Variants in PRP4K observed in about 807,000 individuals in gnomAD.
PRP4K encodes the protein pre-mRNA processing factor kinase PRP4K, also known as serine/threonine-protein kinase PRP4 homolog.
chr6:4,049,535 T>C, the PRP4K span: 24 of 575,396 alleles, frequency 4.2e-5, no homozygotes, highest in Non-Finnish European at 9.2e-6. Context: ...ACTCTTGTAG[T>C]GATCTGAAGT....
the PRP4K span, chr6:4,032,707 T>C: frequency 6.3e-7 from 1 of 1,592,270 alleles, no homozygotes; most frequent in South Asian, 1.2e-5. Context: ...AGCCGATCCT[T>C]AGAAAGAAAA....
chr6:4,023,238 T>C, the PRP4K span, among the ~76,000 whole-genome samples: 4 of 152,256 alleles, frequency 2.6e-5, no homozygotes, highest in Non-Finnish European at 4.4e-5. Flanking sequence ...TTTACAGTTA[T>C]ATAGAATCTA....
chr6:4,037,389 C>T, the PRP4K span: 1 of 1,567,284 alleles, frequency 6.4e-7, no homozygotes, highest in East Asian at 2.3e-5. Flanking sequence ...GCATTTGATC[C>T]CCTTAAGAAC....
chr6:4,025,177 A>G, the PRP4K span, among the ~76,000 whole-genome samples: 1 of 152,230 alleles, frequency 6.6e-6, no homozygotes, highest in African/African-American at 2.4e-5. Flanking sequence ...GGGATATTAA[A>G]TTGTAAAATG....
At chr6:4,031,669 G>T in the PRP4K span, 1 of 1,607,254 alleles carries the variant, frequency 6.2e-7, no homozygotes, top group Non-Finnish European at 8.5e-7. Context: ...CATAAACACA[G>T]AAGTAAACAT....
chr6:4,049,088 G>A, the PRP4K span: 1 of 1,610,694 alleles, frequency 6.2e-7, no homozygotes, highest in Non-Finnish European at 8.5e-7. Flanking sequence ...TAACTGGACC[G>A]ATGCAGAAGG....
At chr6:4,034,960 C>G in the PRP4K span, among the ~76,000 whole-genome samples, 2 of 152,040 alleles carry the variant, frequency 1.3e-5, no homozygotes. Context: ...ATCCGCCCAC[C>G]TCGGCCTCCC....
the PRP4K span, among the ~76,000 whole-genome samples, chr6:4,048,806 T>G: frequency 1.0e-3 from 155 of 149,486 alleles, 3 homozygotes; most frequent in South Asian, 0.026. Context: ...GGGTTTTTGT[T>G]TTTTTTTTTT....
chr6:4,023,741 C>T, the PRP4K span, among the ~76,000 whole-genome samples: 2 of 152,234 alleles, frequency 1.3e-5, no homozygotes, highest in African/African-American at 4.8e-5. Flanking sequence ...TTTTGAAACA[C>T]GAGCTCTTGT....
chr6:4,037,833 ATAC>A, the PRP4K span, among the ~76,000 whole-genome samples: 1 of 151,472 alleles, frequency 6.6e-6, no homozygotes, highest in Admixed American at 6.6e-5. Context: ...TTATCAATCA[ATAC>A]TAAATGAGCC....
chr6:4,021,310 T>A, the PRP4K span: 2 of 1,397,178 alleles, frequency 1.4e-6, no homozygotes, highest in Middle Eastern at 1.8e-4. Context: ...AGAACCCAGC[T>A]CTTCCCTACA....
At chr6:4,060,429 T>C in the PRP4K span, 4 of 1,613,872 alleles carry the variant, frequency 2.5e-6, no homozygotes, top group East Asian at 2.2e-5. The surrounding 1 kb of genome is among the most constrained non-coding windows in gnomAD (Gnocchi z 4.7). Context: ...GTTACTGTTA[T>C]GAGCACCATT....
the PRP4K span, among the ~76,000 whole-genome samples, chr6:4,032,955 T>C: frequency 6.6e-6 from 1 of 152,246 alleles, no homozygotes. Flanking sequence ...ATTTTAAGTA[T>C]AGGTGTTTAA....
chr6:4,040,130 T>C, the PRP4K span, among the ~76,000 whole-genome samples: 1 of 151,564 alleles, frequency 6.6e-6, no homozygotes, highest in African/African-American at 2.4e-5. Context: ...CCTGCCTGCC[T>C]TGGCCTCCCA....
the PRP4K span, among the ~76,000 whole-genome samples, chr6:4,059,644 T>TC: frequency 2.0e-5 from 3 of 151,534 alleles, no homozygotes; most frequent in African/African-American, 7.3e-5. Flanking sequence ...AGTTGACTTT[T>TC]TTTTTCTTTT....
the PRP4K span, chr6:4,037,661 T>A: frequency 7.9e-7 from 1 of 1,270,600 alleles, no homozygotes; most frequent in Non-Finnish European, 1.1e-6. Context: ...TTAGACCAGT[T>A]TTCTCTGAAA....
At chr6:4,034,896 A>G in the PRP4K span, among the ~76,000 whole-genome samples, 1 of 151,452 alleles carries the variant, frequency 6.6e-6, no homozygotes, top group South Asian at 2.1e-4. Flanking sequence ...TATTTTTAGT[A>G]GAGACAGGGT....
chr6:4,029,127 T>C, the PRP4K span, among the ~76,000 whole-genome samples: 1 of 149,926 alleles, frequency 6.7e-6, no homozygotes, highest in Non-Finnish European at 1.5e-5. Flanking sequence ...TCAAGTGATC[T>C]TCCACCTCAG....
At chr6:4,026,895 A>AG in the PRP4K span, among the ~76,000 whole-genome samples, 1 of 152,190 alleles carries the variant, frequency 6.6e-6, no homozygotes, top group Non-Finnish European at 1.5e-5. Flanking sequence ...AGCAAAGACA[A>AG]GGTAGGCCAA....
Sources: gnomAD v4.1 joint callset for allele counts (sites outside exome capture counted in the v4.1 genomes callset) on GRCh38, gnomAD v4.1.1 for gene constraint, Gnocchi (gnomAD v3.1) non-coding constraint, MANE v1.5 for transcripts, NCBI Gene and HGNC (gene_info 2026-07-23, HGNC 2026-07-21) for gene names.